TMA7: variants seen among roughly 807,000 people sequenced by gnomAD.
The protein encoded by TMA7 is translation machinery-associated protein 7.
Under a neutral mutation model 12.5 loss-of-function variants are expected in TMA7, and 5 were observed. That is an observed-to-expected ratio of 0.40 (90% CI 0.21 to 0.84). The LOEUF (loss-of-function observed/expected upper bound fraction) is 0.84. Ranked by LOEUF, TMA7 falls within the 40% of genes least tolerant of loss-of-function variation. The pLI is 0.36. For missense variants in TMA7, 71 were observed against 75.4 expected (o/e 0.94, Z 0.22); for synonymous variants, 36 against 28.1 (o/e 1.28, Z -0.89).
rs1410321831 is a variant in TMA7, at chr3:48,440,427, A to C, written c.41A>C (p.Gln14Pro). 1 of 1,612,592 alleles carries C rather than the reference A, an allele frequency of 6.2e-7. No homozygotes were observed. Among genetic ancestry groups the C allele is most frequent in the Admixed American group, 1.7e-5 (1 of 59,984 alleles). Residue 14 changes from glutamine (Q) to proline (P), a missense_variant, in exon 2 of 4, where the codon CAG becomes CCG. Gln to Pro is a moderately conservative substitution (Grantham distance 76). Transcript: ENST00000438607. ...REGGKKKPLKQPKKQAKEMDE... is the reference protein window; with the variant it reads ...REGGKKKPLKPPKKQAKEMDE... ...GGTGGCAAGAAGAAGCCACTGAAACAGCCCAAGAAGCAGGCCAAGGAGATG... is the reference window on the plus strand; with the variant it reads ...GGTGGCAAGAAGAAGCCACTGAAACCGCCCAAGAAGCAGGCCAAGGAGATG...
At chr3:48,440,381 A>G in intron 1 of TMA7, 22 bp from the exon 2 acceptor site, 1 of 1,611,818 alleles carries the variant, frequency 6.2e-7, no homozygotes, top group Admixed American at 1.7e-5. Flanking sequence ...GGGCAGGCCG[A>G]ACGTGCTCGT....
rs2039621203 is a variant in TMA7 at position 48,443,868 on chromosome 3, T to A, written c.181T>A (p.Ser61Thr). 1.9e-6 allele frequency: 3 copies of A among 1,561,286 alleles called. No homozygotes were observed. Among genetic ancestry groups the A allele is most frequent in the Non-Finnish European group, 2.6e-6 (3 of 1,160,574 alleles). ...TGCAGCCACAGGTGGAATTAAGAAA[T>A]CTGGCAAAAAGTAAGCTGTTCCTTG... Reference protein sequence around the residue: ...GPLATGGIKKSGKK With the variant: ...GPLATGGIKKTGKK Residue 61 changes from serine (S) to threonine (T), a missense_variant, in exon 4 of 4, where the codon TCT (serine) becomes ACT (threonine). Coordinates refer to ENST00000438607, the MANE Select transcript of TMA7 (RefSeq NM_015933.6).
At chr3:48,441,572 C>T (rs551122094) in intron 3 of TMA7, among the ~76,000 whole-genome samples, 66 of 151,840 alleles carry the variant, frequency 4.3e-4, no homozygotes, top group African/African-American at 1.5e-3. Context: ...TATGCCTAGA[C>T]TAAAAGATAA....
Position 48,440,443 on chromosome 3 carries a change from C to T in TMA7, c.57C>T (p.Ala19=), listed in dbSNP as rs761903507. ...KKPLKQPKKQ[A]KEMDEEDKAF... The stretch of plus-strand genomic sequence containing the variant: ...CACTGAAACAGCCCAAGAAGCAGGC[C>T]AAGGAGATGGACGAGGTGAGGGCGG... Residue 19 remains alanine, a synonymous_variant, in exon 2 of 4, where the codon GCC becomes GCT. Coordinates refer to ENST00000438607, the MANE Select transcript of TMA7 (RefSeq NM_015933.6). The T allele has an allele frequency of 1.1e-5, 17 of 1,612,532 alleles. No individual in the cohort carries two copies. In the South Asian group the frequency reaches 1.9e-4, roughly 18 times the overall value.
At chr3:48,441,010 T>TTTTTGTTTTG (rs747987196) in intron 3 of TMA7, 111 of 270,172 alleles carry the variant, frequency 4.1e-4, no homozygotes, top group African/African-American at 2.4e-3. Context: ...CTTAGAAGTT[T>TTTTTGTTTTG]TTTTGTTTTG....
In TMA7 at chr3:48,440,573, G is replaced by C. The variant is rs2039535056; in HGVS notation, c.105G>C (p.Glu35Asp). Residue 35 changes from glutamate to aspartate, a missense_variant, in exon 3 of 4, where the codon GAG (glutamate) becomes GAC (aspartate). Glu to Asp is a conservative substitution (Grantham distance 45). Transcript: ENST00000438607. Reference sequence around the variant, plus strand: ...AGGCTTTCAAGCAGAAACAAAAAGAGGAGCAGAAGAAACTCGAGGAGCTAA... The same window carrying C: ...AGGCTTTCAAGCAGAAACAAAAAGACGAGCAGAAGAAACTCGAGGAGCTAA... ...EDKAFKQKQKEEQKKLEELKA... is the reference protein window; with the variant it reads ...EDKAFKQKQKDEQKKLEELKA... The C allele has an allele frequency of 3.7e-6, 6 of 1,611,846 alleles. No individual in the cohort carries two copies. The highest frequency in any genetic ancestry group is 1.3e-5 in the African/African-American group (1 of 74,866).
Position 48,440,322 on chromosome 3 carries a change from C to T in TMA7, c.16+10C>T, listed in dbSNP as rs372813311. On this transcript the variant is annotated intron_variant, in intron 1 of 3. Transcript: ENST00000438607. ...ATGTCCGGCCGCGAAGGTAAGTGTTCCGGAACCGTGAGGACTGCGGGGACG... is the reference window on the plus strand; with the variant it reads ...ATGTCCGGCCGCGAAGGTAAGTGTTTCGGAACCGTGAGGACTGCGGGGACG... The T allele has an allele frequency of 8.9e-5, 144 of 1,611,308 alleles. No homozygotes were observed. In the African/African-American group the frequency reaches 1.7e-3, roughly 19 times the overall value.
At chr3:48,442,618 A>ATT (rs1439245343) in intron 3 of TMA7, among the ~76,000 whole-genome samples, 2 of 151,662 alleles carry the variant, frequency 1.3e-5, no homozygotes, top group Non-Finnish European at 2.9e-5. Flanking sequence ...TGCCCGGCTA[A>ATT]TTTTTGTATT....
intron 3 of TMA7, among the ~76,000 whole-genome samples, chr3:48,442,152 C>CTTAA (rs905841028): frequency 5.3e-5 from 8 of 151,998 alleles, no homozygotes; most frequent in Admixed American, 1.3e-4. Context: ...CTCGCTTAAG[C>CTTAA]CCAGGAGTTC....
intron 3 of TMA7, among the ~76,000 whole-genome samples, chr3:48,443,606 C>T (rs1231099006): frequency 1.3e-5 from 2 of 151,942 alleles, no homozygotes; most frequent in Non-Finnish European, 2.9e-5. Flanking sequence ...ATAAGCCAAT[C>T]TGTGAAGTAT....
At position 48,441,047 on chromosome 3, in the gene TMA7, ACT is replaced by A. The variant is rs142111356; in HGVS notation, c.160+422_160+423del. On this transcript the variant is annotated intron_variant, in intron 3 of 3. Coordinates refer to ENST00000438607, the MANE Select transcript of TMA7 (RefSeq NM_015933.6). ...TTTGTTTTGTTTGAGACAGAGTCTC[ACT>A]CTGTCTCCCAGGCTGGAGTGCAGTG... 2.6e-4 allele frequency: 50 copies of A among 193,956 alleles called. 1 individual carries two copies. The highest frequency in any genetic ancestry group is 9.2e-4 in the Admixed American group (17 of 18,388). 12.0% of individuals were successfully genotyped at this position (193,956 alleles called of 1,614,324 possible). A position where few individuals can be genotyped will look rare whatever the true frequency, so the allele number is the denominator to read the frequency against.
rs2039537087 is a variant in TMA7 at position 48,440,634 on chromosome 3, T to C, written c.160+6T>C. The C allele has an allele frequency of 1.9e-6, 3 of 1,609,724 alleles. No homozygotes were observed. Among genetic ancestry groups the C allele is most frequent in the Non-Finnish European group, 2.5e-6 (3 of 1,179,012 alleles). The stretch of plus-strand genomic sequence containing the variant: ...CGCGGGGAAGGGGCCCTTGGGTAAG[T>C]GGGGGCCGAATGGAGCTCAAGCTGG... On this transcript the variant is annotated splice_donor_region_variant and intron_variant, in intron 3 of 3. Coordinates refer to ENST00000438607, the MANE Select transcript of TMA7 (RefSeq NM_015933.6).
At position 48,440,273 on chromosome 3, in the gene TMA7, T is replaced by C. The variant is rs749164847; in HGVS notation, c.-24T>C. On this transcript the variant is annotated 5_prime_UTR_variant, in exon 1 of 4. Coordinates refer to ENST00000438607, the MANE Select transcript of TMA7 (RefSeq NM_015933.6). ...AGACGCTCCGTTTCCGGTGGCAGGG[T>C]CTGGGGAAGCGGCGGCAGGCGCCAT... is the stretch of plus-strand genomic sequence containing the variant. 25 of 1,594,634 alleles carry C rather than the reference T, an allele frequency of 1.6e-5. No homozygotes were observed. The Middle Eastern group carries it at 5.0e-4, about 32-fold the overall frequency.
At chr3:48,443,722 C>A (rs1405090179) in intron 3 of TMA7, 126 bp from the exon 4 acceptor site, 2 of 618,126 alleles carry the variant, frequency 3.2e-6, no homozygotes, top group African/African-American at 1.9e-5. Flanking sequence ...AAGCTGCTAT[C>A]CATGCTTGTG....
chr3:48,440,510 C>A, intron 2 of TMA7, 31 bp from the exon 3 acceptor site: 1 of 1,605,916 alleles, frequency 6.2e-7, no homozygotes, highest in Non-Finnish European at 8.5e-7. Flanking sequence ...GGGAGACAGG[C>A]CTGAGTTGAA....
At chr3:48,443,241 CAAAAAAAA>C (rs3082576) in intron 3 of TMA7, among the ~76,000 whole-genome samples, 27 of 70,536 alleles carry the variant, frequency 3.8e-4, no homozygotes, top group Admixed American at 1.0e-3. Flanking sequence ...ACTCCATCTC[CAAAAAAAA>C]AAAAAAAAAA....
chr3:48,440,340 C>T (rs2039526154), intron 1 of TMA7, 28 bp downstream of exon 1: 1 of 1,611,676 alleles, frequency 6.2e-7, no homozygotes, highest in Non-Finnish European at 8.5e-7. Context: ...GTGAGGACTG[C>T]GGGGACGGCG....
intron 3 of TMA7, among the ~76,000 whole-genome samples, chr3:48,441,798 GTGAGCCATGC>G (rs1156525718): frequency 2.0e-5 from 3 of 152,338 alleles, no homozygotes; most frequent in Non-Finnish European, 4.4e-5. Context: ...TTTGAGCACT[GTGAGCCATGC>G]TAGGCATGAT....
rs1469210976 is a variant in TMA7, at chr3:48,440,551, C to T, written c.83C>T (p.Ala28Val). ...QAKEMDEEDKAFKQKQKEEQK... is the reference protein window; with the variant it reads ...QAKEMDEEDKVFKQKQKEEQK... ...TCTGCCTCTCCCCAGGAAGATAAGG[C>T]TTTCAAGCAGAAACAAAAAGAGGAG... Residue 28 changes from alanine (A) to valine (V), a missense_variant, in exon 3 of 4, where the codon GCT (alanine) becomes GTT (valine). Ala to Val is a moderately conservative substitution (Grantham distance 64, BLOSUM62 0). Transcript: ENST00000438607. 6.2e-7 allele frequency: 1 copy of T among 1,611,492 alleles called. No individual in the cohort carries two copies. The highest frequency in any genetic ancestry group is 2.2e-5 in the East Asian group (1 of 44,850).
Sources: allele counts gnomAD v4.1 joint callset (sites outside exome capture counted in the v4.1 genomes callset), GRCh38; gene constraint gnomAD v4.1.1; transcripts MANE v1.5; gene names NCBI Gene and HGNC (gene_info 2026-07-23, HGNC 2026-07-21).